C10orf67: variants seen among roughly 807,000 people sequenced by gnomAD.
C10orf67 encodes the protein chromosome 10 open reading frame 67, also known as uncharacterized protein C10orf67, mitochondrial.
In C10orf67, 60 loss-of-function variants were observed where a neutral mutation model predicts 35.6. That is an observed-to-expected ratio of 1.68 (90% CI 1.37 to 2.09). The LOEUF is 2.09. Ranked by LOEUF, C10orf67 falls within the 30% of genes most tolerant of loss-of-function variation. The pLI, the probability that C10orf67 is intolerant of heterozygous loss-of-function variation, is 0.00. For synonymous variants in C10orf67, 167 were observed against 115.8 expected, an observed-to-expected ratio of 1.44 and a Z score of -2.84; for missense variants, 474 against 330.2, an observed-to-expected ratio of 1.44 and a Z score of -3.38.
At position 23,291,370 on chromosome 10, in the gene C10orf67, T is replaced by C. The variant is rs1305299538; in HGVS notation, c.703-91A>G. 8.2e-6 allele frequency: 5 copies of C among 612,412 alleles called. No individual in the cohort carries two copies. In the East Asian group the frequency reaches 1.4e-4, roughly 17 times the overall value. 37.9% of individuals were successfully genotyped at this position (612,412 alleles called of 1,614,324 possible). Reference sequence around the variant, plus strand: ...CAATACAGATACAGAAAAGCTATCATATAATTTTCTGAATTCTATTACACA... The same window carrying C: ...CAATACAGATACAGAAAAGCTATCACATAATTTTCTGAATTCTATTACACA... On this transcript the variant is annotated intron_variant, in intron 5 of 15. Transcript: ENST00000636213.
intron 12 of C10orf67, among the ~76,000 whole-genome samples, chr10:23,247,661 T>C (rs963516517): frequency 6.6e-6 from 1 of 152,120 alleles, no homozygotes; most frequent in African/African-American, 2.4e-5. Context: ...AATGAGAAAA[T>C]TCCCAAACAT....
intron 10 of C10orf67, among the ~76,000 whole-genome samples, chr10:23,255,700 GA>G (rs377033302): frequency 2.4e-4 from 35 of 146,994 alleles, no homozygotes; most frequent in East Asian, 1.6e-3. Context: ...GTTTATAACC[GA>G]AAAAAAAAAG....
chr10:23,240,954 A>G (rs1251599214), intron 12 of C10orf67, among the ~76,000 whole-genome samples: 1 of 152,354 alleles, frequency 6.6e-6, no homozygotes, highest in East Asian at 1.9e-4. Context: ...TTGGATTCCC[A>G]AAATTCTATG....
intron 8 of C10orf67, among the ~76,000 whole-genome samples, chr10:23,279,398 A>G (rs1843297528): frequency 6.6e-6 from 1 of 152,262 alleles, no homozygotes. Context: ...ATACTGCCAC[A>G]TGACATATAA....
At chr10:23,254,746 G>A (rs979455613) in intron 10 of C10orf67, among the ~76,000 whole-genome samples, 2 of 152,116 alleles carry the variant, frequency 1.3e-5, no homozygotes, top group African/African-American at 2.4e-5. Context: ...AGCAAATTAT[G>A]TTTATTAACT....
chr10:23,221,720 G>A (rs1286677119), intron 15 of C10orf67, among the ~76,000 whole-genome samples: 2 of 152,194 alleles, frequency 1.3e-5, no homozygotes, highest in Non-Finnish European at 2.9e-5. Context: ...GCTTTCTAAA[G>A]AGAAGATTCA....
chr10:23,333,798 GT>G (rs1845567261), intron 1 of C10orf67, among the ~76,000 whole-genome samples: 2 of 152,178 alleles, frequency 1.3e-5, no homozygotes, highest in East Asian at 1.9e-4. Context: ...TCTCATGAAA[GT>G]TTTTGTTTTA....
intron 2 of C10orf67, among the ~76,000 whole-genome samples, chr10:23,332,243 T>C (rs1845514064): frequency 6.6e-6 from 1 of 152,228 alleles, no homozygotes. Flanking sequence ...TGTGTCAATA[T>C]AGAACGACTT....
At chr10:23,342,462 G>T (rs911900567) in intron 1 of C10orf67, among the ~76,000 whole-genome samples, 1 of 152,078 alleles carries the variant, frequency 6.6e-6, no homozygotes, top group Non-Finnish European at 1.5e-5. Context: ...CAGCTCAGTC[G>T]CCCTAGTACT....
chr10:23,284,738 C>T (rs1238013542), intron 7 of C10orf67, among the ~76,000 whole-genome samples: 1 of 152,002 alleles, frequency 6.6e-6, no homozygotes, highest in Non-Finnish European at 1.5e-5. Flanking sequence ...CCTAAAAAAT[C>T]AGCTCCAGTG....
At chr10:23,321,554 CA>C (rs1216991407) in intron 3 of C10orf67, among the ~76,000 whole-genome samples, 1 of 152,156 alleles carries the variant, frequency 6.6e-6, no homozygotes, top group African/African-American at 2.4e-5. Flanking sequence ...ATTTAAATAT[CA>C]TTGCTCCCTT....
At chr10:23,249,637 G>C (rs1842400270) in intron 12 of C10orf67, among the ~76,000 whole-genome samples, 1 of 152,184 alleles carries the variant, frequency 6.6e-6, no homozygotes, top group Non-Finnish European at 1.5e-5. Context: ...ATTTTATACA[G>C]ACAAGATCCA....
At chr10:23,300,495 G>A (rs946091160) in intron 5 of C10orf67, among the ~76,000 whole-genome samples, 11 of 152,114 alleles carry the variant, frequency 7.2e-5, no homozygotes, top group African/African-American at 2.4e-4. Context: ...GTGGACTTTT[G>A]AAGTTTTTTT....
chr10:23,205,130 T>A (rs1176606263), intron 15 of C10orf67, among the ~76,000 whole-genome samples: 1 of 152,170 alleles, frequency 6.6e-6, no homozygotes, highest in Non-Finnish European at 1.5e-5. Flanking sequence ...AGGTTCAAAG[T>A]GGAGTGCTCC....
chr10:23,225,651 C>G (rs939562298), intron 13 of C10orf67, among the ~76,000 whole-genome samples: 4 of 151,966 alleles, frequency 2.6e-5, no homozygotes, highest in African/African-American at 9.7e-5. Context: ...CACACATAGG[C>G]TCAAAATAAA....
intron 12 of C10orf67, among the ~76,000 whole-genome samples, chr10:23,248,697 T>C (rs1842375146): frequency 6.6e-6 from 1 of 152,176 alleles, no homozygotes; most frequent in Non-Finnish European, 1.5e-5. Context: ...AAGTACTCTG[T>C]ACAAATGCAC....
At chr10:23,267,050 CT>C in intron 9 of C10orf67, 144 bp downstream of exon 9, 1 of 582,272 alleles carries the variant, frequency 1.7e-6, no homozygotes, top group Non-Finnish European at 3.0e-6. Flanking sequence ...TGGCCTTGCT[CT>C]CACTTTCAAG....
chr10:23,263,571 T>G (rs534419020), intron 10 of C10orf67, among the ~76,000 whole-genome samples: 5 of 152,166 alleles, frequency 3.3e-5, no homozygotes, highest in Non-Finnish European at 7.4e-5. Context: ...AATGGGAACA[T>G]GACTGATTTT....
intron 1 of C10orf67, among the ~76,000 whole-genome samples, chr10:23,337,822 G>C (rs1319908734): frequency 2.6e-5 from 4 of 152,050 alleles, no homozygotes; most frequent in African/African-American, 9.7e-5. Context: ...TTCACAGATG[G>C]GTTCCTCACC....
Sources: allele counts gnomAD v4.1 joint callset (sites outside exome capture counted in the v4.1 genomes callset), GRCh38; gene constraint gnomAD v4.1.1; transcripts MANE v1.5; gene names NCBI Gene and HGNC (gene_info 2026-07-23, HGNC 2026-07-21).